Variants in LEKR1 observed in about 807,000 individuals in gnomAD.
The protein encoded by LEKR1 is protein LEKR1.
A neutral mutation model predicts 72.4 loss-of-function variants in LEKR1; 59 were observed. The observed-to-expected ratio is 0.82, with a 90% CI of 0.66 to 1.01. The LOEUF (loss-of-function observed/expected upper bound fraction) is 1.01. Ranked by LOEUF, LEKR1 falls within the 50% of genes least tolerant of loss-of-function variation. The pLI, the probability that LEKR1 is intolerant of heterozygous loss-of-function variation, is 0.00. For missense variants in LEKR1, 728 were observed against 759.2 expected (o/e 0.96, Z 0.48); for synonymous variants, 257 against 263.2 (o/e 0.98, Z 0.23).
intron 12 of LEKR1, among the ~76,000 whole-genome samples, chr3:157,043,885 A>G (rs747991641): frequency 6.6e-6 from 1 of 152,224 alleles, no homozygotes; most frequent in Non-Finnish European, 1.5e-5. Flanking sequence ...AATAAATCGT[A>G]TATGTAAATG....
intron 5 of LEKR1, among the ~76,000 whole-genome samples, chr3:156,928,246 C>T (rs1458222926): frequency 1.3e-5 from 2 of 151,990 alleles, no homozygotes; most frequent in Admixed American, 6.6e-5. Flanking sequence ...TGTCAAAGTT[C>T]ATAGAATGTA....
chr3:157,039,584 A>C (rs1227404878), intron 12 of LEKR1, among the ~76,000 whole-genome samples: 1 of 152,168 alleles, frequency 6.6e-6, no homozygotes, highest in Non-Finnish European at 1.5e-5. Flanking sequence ...GTGCTTCTGT[A>C]CTCGAGCCTG....
At chr3:156,883,561 G>T (rs1348867951) in intron 3 of LEKR1, among the ~76,000 whole-genome samples, 1 of 152,196 alleles carries the variant, frequency 6.6e-6, no homozygotes, top group Admixed American at 6.5e-5. Flanking sequence ...ATTCCCACTT[G>T]TGGGAGGGAC....
intron 12 of LEKR1, among the ~76,000 whole-genome samples, chr3:157,035,070 T>C (rs1243003431): frequency 2.6e-5 from 4 of 152,236 alleles, no homozygotes; most frequent in African/African-American, 9.6e-5. Context: ...ATTGATAGCA[T>C]TTTTTAGCAG....
At position 156,868,625 on chromosome 3, in the gene LEKR1, C is replaced by T. The variant is rs532296745; in HGVS notation, c.263+15643C>T. On this transcript the variant is annotated intron_variant, in intron 3 of 12. Coordinates refer to ENST00000356539, the MANE Select transcript of LEKR1 (RefSeq NM_001004316.3). Reference sequence around the variant, plus strand: ...CATAGAATGTGTAATGATCAAGTCACGGTATTTGTGGTATCCATCACCTTG... The same window carrying T: ...CATAGAATGTGTAATGATCAAGTCATGGTATTTGTGGTATCCATCACCTTG... Among the ~76,000 whole-genome samples the T allele has an allele frequency of 1.6e-4, 24 of 152,104 alleles. 1 individual carries two copies. The highest frequency in any genetic ancestry group is 3.4e-3 in the Middle Eastern group (1 of 294).
At chr3:157,027,097 T>C (rs932156503) in intron 11 of LEKR1, among the ~76,000 whole-genome samples, 9 of 152,196 alleles carry the variant, frequency 5.9e-5, no homozygotes, top group Admixed American at 5.9e-4. Flanking sequence ...ACATTAGTCA[T>C]ATTTCAGGTG....
chr3:156,854,160 T>TTG (rs1369564965), intron 3 of LEKR1, among the ~76,000 whole-genome samples: 1 of 143,252 alleles, frequency 7.0e-6, no homozygotes, highest in East Asian at 2.0e-4. Context: ...TTTTTTTTTT[T>TTG]TGTGACAGAG....
At chr3:156,835,914 C>A (rs570284091) in intron 2 of LEKR1, among the ~76,000 whole-genome samples, 20 of 119,884 alleles carry the variant, frequency 1.7e-4, no homozygotes, top group African/African-American at 5.4e-4. Flanking sequence ...CACTCTGTCA[C>A]CAAGGCTGGA....
chr3:156,995,149 A>C (rs1313694876), intron 9 of LEKR1, among the ~76,000 whole-genome samples: 1 of 152,212 alleles, frequency 6.6e-6, no homozygotes, highest in Non-Finnish European at 1.5e-5. Flanking sequence ...TCTATGCTTA[A>C]TAAATTATCT....
chr3:156,967,304 G>T (rs1158640721), intron 6 of LEKR1, among the ~76,000 whole-genome samples: 33 of 152,012 alleles, frequency 2.2e-4, no homozygotes, highest in Non-Finnish European at 2.9e-5. Context: ...TTGAGAGAAG[G>T]CTTCAGACGA....
At chr3:157,038,199 A>G (rs1393405379) in intron 12 of LEKR1, among the ~76,000 whole-genome samples, 1 of 152,170 alleles carries the variant, frequency 6.6e-6, no homozygotes, top group Non-Finnish European at 1.5e-5. Context: ...TTTGGGATAT[A>G]TTTTAGGGGT....
intron 2 of LEKR1, among the ~76,000 whole-genome samples, chr3:156,837,877 T>C (rs1377344985): frequency 6.6e-6 from 1 of 152,228 alleles, no homozygotes. Context: ...GTGATGCTGC[T>C]TGCTGTACCA....
chr3:157,014,674 A>AT (rs1285725717), intron 10 of LEKR1, among the ~76,000 whole-genome samples: 1 of 152,172 alleles, frequency 6.6e-6, no homozygotes, highest in Non-Finnish European at 1.5e-5. Context: ...ATTTTTAAAA[A>AT]TGCAGTTTTA....
At chr3:156,885,906 T>G (rs1166034321) in intron 3 of LEKR1, among the ~76,000 whole-genome samples, 1 of 152,196 alleles carries the variant, frequency 6.6e-6, no homozygotes, top group African/African-American at 2.4e-5. Context: ...AGCCAGGCAG[T>G]GGTGCTATCA....
rs753008238 is a variant in LEKR1, at chr3:157,045,688, T to C, written c.2017T>C (p.Ser673Pro). The C allele has an allele frequency of 8.7e-6, 14 of 1,613,564 alleles. No homozygotes were observed. The highest frequency in any genetic ancestry group is 1.7e-5 in the Admixed American group (1 of 59,972). Residue 673 changes from serine to proline, a missense_variant, in exon 13 of 13, where the codon TCA (serine) becomes CCA (proline). Physicochemically the swap from Ser to Pro is moderately conservative, Grantham distance 74. Coordinates refer to ENST00000356539, the MANE Select transcript of LEKR1 (RefSeq NM_001004316.3). ...ACATCCTCCCAGGGGTGGAGCATCT[T>C]CAGCAAATGAGACTAGACAGAGACT... ...QPHPPRGGAS[S>P]ANETRQRLAA... is the part of the protein sequence containing the mutation.
intron 6 of LEKR1, among the ~76,000 whole-genome samples, chr3:156,974,557 C>T (rs924990899): frequency 1.6e-4 from 25 of 152,188 alleles, no homozygotes; most frequent in African/African-American, 6.0e-4. Flanking sequence ...TCTTTAATTG[C>T]TGTTTCAAAC....
At chr3:156,951,295 G>A (rs1269086020) in intron 6 of LEKR1, among the ~76,000 whole-genome samples, 20 of 151,664 alleles carry the variant, frequency 1.3e-4, no homozygotes, top group Non-Finnish European at 3.0e-5. Context: ...TTGCATTGAT[G>A]TTCATCATGG....
At chr3:156,849,639 CA>C (rs990833065) in intron 2 of LEKR1, among the ~76,000 whole-genome samples, 32 of 151,912 alleles carry the variant, frequency 2.1e-4, no homozygotes, top group African/African-American at 7.0e-4. Context: ...ACAAACCTGA[CA>C]AAAACAAGAA....
intron 2 of LEKR1, among the ~76,000 whole-genome samples, chr3:156,843,825 A>ATG (rs759976367): frequency 8.0e-4 from 120 of 149,196 alleles, no homozygotes; most frequent in Middle Eastern, 3.5e-3. Context: ...GAAAGTTGTG[A>ATG]TGTGTGTGTG....
Sources: allele counts gnomAD v4.1 joint callset (sites outside exome capture counted in the v4.1 genomes callset), GRCh38; gene constraint gnomAD v4.1.1; transcripts MANE v1.5; gene names NCBI Gene and HGNC (gene_info 2026-07-23, HGNC 2026-07-21).